The following CCDC174 variants were observed in gnomAD, a reference collection of about 807,000 sequenced individuals.
The protein encoded by CCDC174 is coiled-coil domain-containing protein 174.
In CCDC174, 37 loss-of-function variants were observed where a neutral mutation model predicts 57.1. The observed-to-expected ratio is 0.65, with a 90% CI of 0.50 to 0.85. The LOEUF (loss-of-function observed/expected upper bound fraction) is 0.85, where lower values mean the gene tolerates loss of function less well. Ranked by LOEUF, CCDC174 falls within the 40% of genes least tolerant of loss-of-function variation. The pLI is 0.00. For missense variants in CCDC174, 540 were observed against 574.3 expected (o/e 0.94, Z 0.61); for synonymous variants, 182 against 190.2 (o/e 0.96, Z 0.35).
At chr3:14,669,149 A>T (rs529818174) in intron 9 of CCDC174, among the ~76,000 whole-genome samples, 1 of 152,336 alleles carries the variant, frequency 6.6e-6, no homozygotes, top group Admixed American at 6.5e-5. Context: ...CCACATGCTC[A>T]GCTGCAACCG....
rs371601155 is a variant in CCDC174, at chr3:14,666,968, C to T, written c.724+21C>T. ...AAATGGTATGACTATTTTCTTGCAG[C>T]TTTGCAAATCTTATTTTTAACCTTA... On this transcript the variant is annotated intron_variant, in intron 7 of 10. Transcript: ENST00000383794. 22 of 1,562,188 alleles carry T rather than the reference C, an allele frequency of 1.4e-5. No individual in the cohort carries two copies. The East Asian group carries it at 3.6e-4, about 26-fold the overall frequency.
chr3:14,666,365 G>A (rs1366356845), intron 6 of CCDC174, among the ~76,000 whole-genome samples: 1 of 152,192 alleles, frequency 6.6e-6, no homozygotes, highest in Non-Finnish European at 1.5e-5. Context: ...GCTCATGCCT[G>A]TAATCCCAGC....
At chr3:14,652,484 A>G (rs975781437) in intron 1 of CCDC174, among the ~76,000 whole-genome samples, 2 of 152,230 alleles carry the variant, frequency 1.3e-5, no homozygotes, top group Non-Finnish European at 2.9e-5. Flanking sequence ...AGCACTTTAT[A>G]TGCACTATCT....
intron 4 of CCDC174, among the ~76,000 whole-genome samples, chr3:14,660,624 C>G (rs1333832963): frequency 6.6e-6 from 1 of 152,198 alleles, no homozygotes; most frequent in Non-Finnish European, 1.5e-5. Flanking sequence ...CTGGTTTTGT[C>G]AAAGCCAGCA....
chr3:14,653,433 C>G (rs1161629882), intron 1 of CCDC174, among the ~76,000 whole-genome samples: 2 of 152,166 alleles, frequency 1.3e-5, no homozygotes, highest in Admixed American at 1.3e-4. Flanking sequence ...CCTTTTAAAT[C>G]GATTTCTTCC....
At chr3:14,654,105 G>GC (rs1487959284) in intron 1 of CCDC174, among the ~76,000 whole-genome samples, 2 of 152,174 alleles carry the variant, frequency 1.3e-5, no homozygotes, top group African/African-American at 2.4e-5. Flanking sequence ...GCTTAATAAT[G>GC]CAAGTTTAAT....
intron 4 of CCDC174, among the ~76,000 whole-genome samples, chr3:14,659,276 TA>T (rs1329175089): frequency 3.4e-5 from 4 of 117,680 alleles, no homozygotes; most frequent in African/African-American, 1.3e-4. Flanking sequence ...ACAGCTGTGC[TA>T]AAACAGGGTG....
intron 10 of CCDC174, among the ~76,000 whole-genome samples, chr3:14,670,476 A>T (rs1308098670): frequency 6.6e-6 from 1 of 152,240 alleles, no homozygotes; most frequent in Non-Finnish European, 1.5e-5. Context: ...ATGCTGTCTG[A>T]GCTGATAAGA....
rs576034814 is a variant in CCDC174, at chr3:14,661,812, C to T, written c.485+105C>T. 6.0e-6 allele frequency: 6 copies of T among 1,005,082 alleles called. No homozygotes were observed. The East Asian group carries it at 1.3e-4, about 21-fold the overall frequency. The allele number at this position is 1,005,082 out of a possible 1,614,324, so 62.3% of individuals were successfully genotyped here. A position where few individuals can be genotyped will look rare whatever the true frequency, so the allele number is the denominator to read the frequency against. On this transcript the variant is annotated intron_variant, in intron 5 of 10. Coordinates refer to ENST00000383794, the MANE Select transcript of CCDC174 (RefSeq NM_016474.5). ...TATCGAGCCATTTCTCTTTATTCTT[C>T]CTGGGTGTTCTTTTGAGACTTCCCT...
Position 14,651,836 on chromosome 3 carries a change from C to T in CCDC174, c.-1C>T. The T allele has an allele frequency of 1.2e-6, 2 of 1,614,012 alleles. No homozygotes were observed. Among genetic ancestry groups the T allele is most frequent in the Non-Finnish European group, 1.7e-6 (2 of 1,179,970 alleles). ...CTGGACCGGGACCCTCTGCCACGAC[C>T]ATGGACCGTAGGAAAAAGCCTTTGG... On this transcript the variant is annotated 5_prime_UTR_variant, in exon 1 of 11. Transcript: ENST00000383794.
chr3:14,667,576 G>A, intron 8 of CCDC174, 58 bp downstream of exon 8: 2 of 1,284,556 alleles, frequency 1.6e-6, no homozygotes, highest in Non-Finnish European at 2.3e-6. Flanking sequence ...TTTCTTGCTG[G>A]ACCATACTGC....
chr3:14,652,547 T>G (rs2030807811), intron 1 of CCDC174, among the ~76,000 whole-genome samples: 1 of 152,166 alleles, frequency 6.6e-6, no homozygotes, highest in African/African-American at 2.4e-5. Flanking sequence ...TATCTCCGTT[T>G]TATGGATGAT....
intron 4 of CCDC174, among the ~76,000 whole-genome samples, chr3:14,659,551 A>G (rs989134943): frequency 2.6e-5 from 4 of 152,102 alleles, no homozygotes; most frequent in Non-Finnish European, 2.9e-5. Context: ...TTAGCTGGAC[A>G]TGGTGGTTCA....
Position 14,654,550 on chromosome 3 carries a change from T to A in CCDC174, c.147+20T>A. ...AACAAGGTAAAAAATAAGATCTAAT[T>A]ATCTCCATTGGTTCCAAACATGGGA... On this transcript the variant is annotated intron_variant, in intron 2 of 10. Transcript: ENST00000383794. The A allele has an allele frequency of 8.6e-7, 1 of 1,166,096 alleles. No individual in the cohort carries two copies. Among genetic ancestry groups the A allele is most frequent in the Non-Finnish European group, 1.3e-6 (1 of 788,198 alleles). 72.2% of individuals were successfully genotyped at this position (1,166,096 alleles called of 1,614,324 possible). A position where few individuals can be genotyped will look rare whatever the true frequency, so the allele number is the denominator to read the frequency against.
chr3:14,651,905 C>T, intron 1 of CCDC174, 27 bp downstream of exon 1: 1 of 1,610,052 alleles, frequency 6.2e-7, no homozygotes, highest in African/African-American at 1.3e-5. Flanking sequence ...GGTAACTCCA[C>T]GGGCTCCGGG....
At chr3:14,667,083 C>T (rs980026298) in intron 7 of CCDC174, 136 bp downstream of exon 7, 40 of 753,676 alleles carry the variant, frequency 5.3e-5, no homozygotes, top group Non-Finnish European at 7.9e-5. Flanking sequence ...GAAAATATCT[C>T]CTTTGTTCAC....
intron 1 of CCDC174, among the ~76,000 whole-genome samples, chr3:14,653,913 G>A (rs1204872131): frequency 6.6e-6 from 1 of 152,222 alleles, no homozygotes; most frequent in Non-Finnish European, 1.5e-5. Flanking sequence ...CCACTCTAGA[G>A]TCATTTGTTT....
intron 7 of CCDC174, 165 bp from the exon 8 acceptor site, chr3:14,667,257 TTG>T: frequency 1.5e-6 from 1 of 653,742 alleles, no homozygotes; most frequent in South Asian, 2.1e-5. Flanking sequence ...GGTCTAACTT[TTG>T]TGTTTCTTTG....
rs2031529861 is a variant in CCDC174 at position 14,671,925 on chromosome 3, C to T, written c.*731C>T. ...AATGGTTAGAGCTTTTCAGTGCATC[C>T]CACCTCCCTGTCGCCCCCATGCTCG... On this transcript the variant is annotated 3_prime_UTR_variant, in exon 11 of 11. Coordinates refer to ENST00000383794, the MANE Select transcript of CCDC174 (RefSeq NM_016474.5). 1 of 152,416 alleles carries T rather than the reference C, an allele frequency of 6.6e-6. No individual in the cohort carries two copies. The highest frequency in any genetic ancestry group is 1.5e-5 in the Non-Finnish European group (1 of 68,200). The allele number at this position is 152,416 out of a possible 1,614,324, so 9.4% of individuals were successfully genotyped here. A position where few individuals can be genotyped will look rare whatever the true frequency, so the allele number is the denominator to read the frequency against.
Sources: allele counts gnomAD v4.1 joint callset (sites outside exome capture counted in the v4.1 genomes callset), GRCh38; gene constraint gnomAD v4.1.1; transcripts MANE v1.5; gene names NCBI Gene and HGNC (gene_info 2026-07-23, HGNC 2026-07-21).